CCSER1: variants seen among roughly 807,000 people sequenced by gnomAD.
CCSER1 encodes the protein coiled-coil serine rich protein 1.
Under a neutral mutation model 82.0 loss-of-function variants are expected in CCSER1, and 41 were observed. The ratio of observed to expected loss-of-function variants is 0.50; its 90% CI spans 0.39 to 0.65. The LOEUF is 0.65. Ranked by LOEUF, CCSER1 falls within the 30% of genes least tolerant of loss-of-function variation. The pLI is 0.00. For missense variants in CCSER1, 1,119 were observed against 1,064.2 expected (o/e 1.05, Z -0.72); for synonymous variants, 414 against 383.9 (o/e 1.08, Z -0.92).
At chr4:91,029,596 C>T (rs555809625) in intron 9 of CCSER1, among the ~76,000 whole-genome samples, 1 of 152,032 alleles carries the variant, frequency 6.6e-6, no homozygotes, top group East Asian at 1.9e-4. Context: ...GATTACATGA[C>T]CTGTTTTTCA....
intron 10 of CCSER1, among the ~76,000 whole-genome samples, chr4:91,284,274 T>C (rs891222740): frequency 6.6e-6 from 1 of 152,128 alleles, no homozygotes; most frequent in African/African-American, 2.4e-5. Flanking sequence ...ATGAGAACTT[T>C]CCTAGAAAAG....
chr4:90,371,795 T>G (rs986627056), intron 3 of CCSER1, among the ~76,000 whole-genome samples: 1 of 152,172 alleles, frequency 6.6e-6, no homozygotes, highest in Non-Finnish European at 1.5e-5. Flanking sequence ...TAATAATAGT[T>G]TGATGAGAGC....
intron 1 of CCSER1, among the ~76,000 whole-genome samples, chr4:90,202,337 G>GC (rs1737884625): frequency 6.6e-6 from 1 of 151,902 alleles, no homozygotes; most frequent in African/African-American, 2.4e-5. Flanking sequence ...TGAATAGCTG[G>GC]GATTACAGGC....
intron 10 of CCSER1, among the ~76,000 whole-genome samples, chr4:91,147,086 A>G (rs755299089): frequency 6.6e-6 from 1 of 152,214 alleles, no homozygotes; most frequent in Non-Finnish European, 1.5e-5. Flanking sequence ...CAGGAGACCC[A>G]TAATTCCCCA....
intron 1 of CCSER1, among the ~76,000 whole-genome samples, chr4:90,279,110 G>A (rs1249940309): frequency 6.6e-6 from 1 of 151,924 alleles, no homozygotes; most frequent in East Asian, 1.9e-4. Flanking sequence ...AATATTTTCA[G>A]TACTTCACTC....
intron 5 of CCSER1, among the ~76,000 whole-genome samples, chr4:90,608,033 T>C (rs574641459): frequency 1.3e-5 from 2 of 152,328 alleles, no homozygotes; most frequent in African/African-American, 4.8e-5. Flanking sequence ...TCCTAAGTTC[T>C]TTTAAAACTG....
rs114475472 is a variant in CCSER1 at position 90,976,870 on chromosome 4, C to T, written c.2172+53423C>T. On this transcript the variant is annotated intron_variant, in intron 9 of 10. Transcript: ENST00000509176. ...CCTCTGTGGTACACACAGAAAATTT[C>T]CCATCCAAAACCGTTTGCCATTTCT... Among the ~76,000 whole-genome samples the T allele has an allele frequency of 7.6e-3, 1,152 of 151,532 alleles. 24 individuals are homozygous for T. The highest frequency in any genetic ancestry group is 0.027 in the African/African-American group (1,111 of 41,344).
chr4:90,715,092 C>G (rs143989066), intron 6 of CCSER1, among the ~76,000 whole-genome samples: 1 of 151,876 alleles, frequency 6.6e-6, no homozygotes, highest in South Asian at 2.1e-4. Flanking sequence ...AAACAAAGAA[C>G]CTTTAGGTCT....
At chr4:90,476,279 G>A (rs1167103543) in intron 5 of CCSER1, among the ~76,000 whole-genome samples, 1 of 152,122 alleles carries the variant, frequency 6.6e-6, no homozygotes, top group Non-Finnish European at 1.5e-5. Context: ...ACCACTAGGA[G>A]ACTATGCCTT....
chr4:90,592,163 C>G (rs776924621), intron 5 of CCSER1, among the ~76,000 whole-genome samples: 1 of 152,054 alleles, frequency 6.6e-6, no homozygotes, highest in African/African-American at 2.4e-5. Flanking sequence ...AAAAAACCTG[C>G]ACGTTCTGCA....
chr4:90,391,149 T>C (rs1750954238), intron 3 of CCSER1, among the ~76,000 whole-genome samples: 1 of 148,080 alleles, frequency 6.8e-6, no homozygotes, highest in Non-Finnish European at 1.5e-5. Context: ...GGCATGTGCC[T>C]GTAATCCCAG....
At chr4:91,277,317 G>A (rs898608000) in intron 10 of CCSER1, among the ~76,000 whole-genome samples, 4 of 151,776 alleles carry the variant, frequency 2.6e-5, no homozygotes, top group South Asian at 2.1e-4. Flanking sequence ...ACTTCTTTTG[G>A]CGGGGCTTGG....
chr4:90,322,580 A>G (rs1401236324), intron 3 of CCSER1, among the ~76,000 whole-genome samples: 1 of 152,166 alleles, frequency 6.6e-6, no homozygotes, highest in African/African-American at 2.4e-5. Context: ...AAGTGTGGAT[A>G]TTTTAACAAT....
intron 10 of CCSER1, among the ~76,000 whole-genome samples, chr4:91,559,873 TTA>T (rs1762575577): frequency 6.6e-6 from 1 of 151,414 alleles, no homozygotes; most frequent in Admixed American, 6.6e-5. Context: ...TTCTATTACT[TTA>T]TGTTTTGGCC....
intron 5 of CCSER1, among the ~76,000 whole-genome samples, chr4:90,606,810 T>C (rs993523261): frequency 6.6e-6 from 1 of 152,162 alleles, no homozygotes; most frequent in Admixed American, 6.6e-5. Context: ...TCCCAAACTA[T>C]GAGGGTTTCT....
At chr4:90,936,824 T>C (rs768930234) in intron 9 of CCSER1, among the ~76,000 whole-genome samples, 1 of 152,212 alleles carries the variant, frequency 6.6e-6, no homozygotes, top group Admixed American at 6.5e-5. Flanking sequence ...GTTTAATTCT[T>C]AGTCTTAAAG....
At chr4:91,484,305 T>C (rs1391217594) in intron 10 of CCSER1, among the ~76,000 whole-genome samples, 1 of 152,172 alleles carries the variant, frequency 6.6e-6, no homozygotes, top group African/African-American at 2.4e-5. Flanking sequence ...CTCACTTCTT[T>C]ACATATTCCA....
At chr4:91,549,372 A>G (rs1439135183) in intron 10 of CCSER1, among the ~76,000 whole-genome samples, 3 of 152,020 alleles carry the variant, frequency 2.0e-5, no homozygotes, top group Non-Finnish European at 4.4e-5. Context: ...TCTGATGCTC[A>G]TTCATTCTCT....
intron 7 of CCSER1, among the ~76,000 whole-genome samples, chr4:90,737,350 T>A (rs1194748945): frequency 1.3e-5 from 2 of 152,170 alleles, no homozygotes; most frequent in Non-Finnish European, 2.9e-5. Context: ...AACATCTTTA[T>A]TTCTCCTTTA....
Sources: allele counts gnomAD v4.1 joint callset (sites outside exome capture counted in the v4.1 genomes callset), GRCh38; gene constraint gnomAD v4.1.1; transcripts MANE v1.5; gene names NCBI Gene and HGNC (gene_info 2026-07-23, HGNC 2026-07-21).